KIAA0232: variants seen among roughly 807,000 people sequenced by gnomAD.
The protein encoded by KIAA0232 is KIAA0232.
Under a neutral mutation model 122.0 loss-of-function variants are expected in KIAA0232, and 27 were observed. The ratio of observed to expected loss-of-function variants is 0.22; its 90% confidence interval spans 0.16 to 0.31. The LOEUF is 0.31. Ranked by LOEUF, KIAA0232 falls within the 10% of genes least tolerant of loss-of-function variation. KIAA0232 has a pLI of 1.00. For missense variants in KIAA0232, 1,551 were observed against 1,634.2 expected (o/e 0.95, Z 0.88); for synonymous variants, 613 against 587.6 (o/e 1.04, Z -0.63).
chr4:6,859,240 C>T (rs1226773153), intron 6 of KIAA0232, among the ~76,000 whole-genome samples: 1 of 151,710 alleles, frequency 6.6e-6, no homozygotes, highest in Non-Finnish European at 1.5e-5. Flanking sequence ...CCTAAAGATA[C>T]TTTTATTTTT....
intron 1 of KIAA0232, among the ~76,000 whole-genome samples, chr4:6,803,607 G>A (rs941994407): frequency 6.6e-6 from 1 of 152,132 alleles, no homozygotes; most frequent in Non-Finnish European, 1.5e-5. Context: ...CACTTAAAGA[G>A]AATACTTTTT....
chr4:6,837,460 TCCCAGACGA>T (rs1325883886), intron 3 of KIAA0232, among the ~76,000 whole-genome samples: 1 of 148,130 alleles, frequency 6.8e-6, no homozygotes, highest in Admixed American at 6.7e-5. Context: ...GCTCCTCACA[TCCCAGACGA>T]TGGGCGGCTG....
In KIAA0232 at chr4:6,810,090, A is replaced by G. The variant is rs145171147; in HGVS notation, c.-270+5484A>G. ...ATTAGGAAAAAAATCCTAAATTCAT[A>G]TGAAATCAAAAAAGAGCCCTAATAG... On this transcript the variant is annotated intron_variant, in intron 2 of 9. Coordinates refer to ENST00000307659, the MANE Select transcript of KIAA0232 (RefSeq NM_014743.3). Among the ~76,000 whole-genome samples, 1,178 of 152,308 alleles carry G rather than the reference A, an allele frequency of 7.7e-3. 19 individuals carry two copies. The highest frequency in any genetic ancestry group is 0.027 in the African/African-American group (1,128 of 41,568).
intron 3 of KIAA0232, among the ~76,000 whole-genome samples, chr4:6,837,675 G>A (rs1719394290): frequency 6.6e-6 from 1 of 152,266 alleles, no homozygotes; most frequent in Non-Finnish European, 1.5e-5. Flanking sequence ...ACCTCGGGAG[G>A]CCGAAGCTGG....
intron 1 of KIAA0232, among the ~76,000 whole-genome samples, chr4:6,792,394 T>C (rs1577353073): frequency 6.6e-6 from 1 of 152,292 alleles, no homozygotes; most frequent in South Asian, 2.1e-4. Flanking sequence ...CTTAAAAAAA[T>C]TGACCAACAA....
intron 4 of KIAA0232, among the ~76,000 whole-genome samples, chr4:6,846,100 T>TTA (rs113432674): frequency 1.3e-5 from 2 of 149,822 alleles, no homozygotes; most frequent in Non-Finnish European, 3.0e-5. Flanking sequence ...TCATTTTATT[T>TTA]AAAAAAAAAA....
At position 6,876,760 on chromosome 4, in the gene KIAA0232, A is replaced by AAGT; in HGVS notation, c.4008+4_4008+6dup. The AAGT allele has an allele frequency of 6.3e-7, 1 of 1,580,736 alleles. No individual in the cohort carries two copies. Among genetic ancestry groups the AAGT allele is most frequent in the African/African-American group, 1.3e-5 (1 of 74,304 alleles). On this transcript the variant is annotated splice_donor_region_variant and intron_variant, in intron 9 of 9. Transcript: ENST00000307659. The stretch of plus-strand genomic sequence containing the variant: ...AGCGCCTGTTAGATTTTAATAGGGT[A>AAGT]AGTGGACTGTCCTCCTCCTCGTCAT...
chr4:6,876,781 G>C (rs370676344), intron 9 of KIAA0232, 24 bp downstream of exon 9: 2 of 1,506,316 alleles, frequency 1.3e-6, no homozygotes, highest in Admixed American at 1.7e-5. Context: ...CCTCCTCCTC[G>C]TCATTAACTT....
intron 1 of KIAA0232, among the ~76,000 whole-genome samples, chr4:6,792,982 G>A (rs1002531293): frequency 2.0e-5 from 3 of 152,006 alleles, no homozygotes; most frequent in South Asian, 2.1e-4. Context: ...CACCGTGCTC[G>A]GCCATTCTTA....
chr4:6,786,332 T>G (rs1273102635), intron 1 of KIAA0232, among the ~76,000 whole-genome samples: 1 of 152,232 alleles, frequency 6.6e-6, no homozygotes, highest in Non-Finnish European at 1.5e-5. Flanking sequence ...GACAGCATCT[T>G]GCTTTGTCAC....
intron 2 of KIAA0232, among the ~76,000 whole-genome samples, chr4:6,813,448 T>C (rs1577366495): frequency 1.3e-5 from 2 of 151,940 alleles, no homozygotes; most frequent in Admixed American, 6.6e-5. Flanking sequence ...CTGCAAGCTC[T>C]GCCTCCCAGG....
At position 6,807,074 on chromosome 4, in the gene KIAA0232, CT is replaced by C. The variant is rs974877317; in HGVS notation, c.-270+2469del. Among the ~76,000 whole-genome samples the C allele has an allele frequency of 2.8e-3, 403 of 141,628 alleles. 6 individuals carry two copies. Among genetic ancestry groups the C allele is most frequent in the Non-Finnish European group, 1.4e-3 (85 of 62,762 alleles). The allele number at this position is 141,628 out of a possible 152,430, so 92.9% of individuals were successfully genotyped here. A position where few individuals can be genotyped will look rare whatever the true frequency, so the allele number is the denominator to read the frequency against. ...TCTATCTATCTATCTATCTATCTATCTATCTATTTAAGACAGGGTCCTGCTA... is the reference window on the plus strand; with the variant it reads ...TCTATCTATCTATCTATCTATCTATCATCTATTTAAGACAGGGTCCTGCTA... On this transcript the variant is annotated intron_variant, in intron 2 of 9. Coordinates refer to ENST00000307659, the MANE Select transcript of KIAA0232 (RefSeq NM_014743.3).
intron 2 of KIAA0232, among the ~76,000 whole-genome samples, chr4:6,822,920 C>CCT (rs1718490303): frequency 9.5e-6 from 1 of 105,500 alleles, no homozygotes; most frequent in Admixed American, 1.0e-4. Context: ...CAATGCTATC[C>CCT]CTCCCCCCTC....
intron 3 of KIAA0232, among the ~76,000 whole-genome samples, chr4:6,827,011 G>C (rs559406839): frequency 3.3e-5 from 5 of 152,086 alleles, no homozygotes; most frequent in African/African-American, 9.7e-5. Flanking sequence ...GTTCCGGTTC[G>C]TTCCTCAGGA....
intron 8 of KIAA0232, among the ~76,000 whole-genome samples, chr4:6,872,012 C>T (rs1184922071): frequency 6.6e-6 from 1 of 152,140 alleles, no homozygotes; most frequent in East Asian, 1.9e-4. Flanking sequence ...GCAGGAGGGT[C>T]GCCGCCAGGG....
At chr4:6,804,712 A>T (rs1717538119) in intron 2 of KIAA0232, 106 bp downstream of exon 2, 1 of 152,236 alleles carries the variant, frequency 6.6e-6, no homozygotes, top group Admixed American at 6.5e-5. Context: ...CAATTTATGC[A>T]AGTTATTTAA....
Position 6,861,407 on chromosome 4 carries a change from C to T in KIAA0232, c.1025C>T (p.Ala342Val), listed in dbSNP as rs1720854999. Reference sequence around the variant, plus strand: ...CTTTCTTTGAAGCACGGTGAAAAGGCTGAAAGGAACATTCATACTGGAAGT... The same window carrying T: ...CTTTCTTTGAAGCACGGTGAAAAGGTTGAAAGGAACATTCATACTGGAAGT... Reference protein sequence around the residue: ...SRLSLKHGEKAERNIHTGSSS... With the variant: ...SRLSLKHGEKVERNIHTGSSS... Residue 342 changes from alanine (A) to valine (V), a missense_variant, in exon 7 of 10, where the codon GCT becomes GTT. Coordinates refer to ENST00000307659, the MANE Select transcript of KIAA0232 (RefSeq NM_014743.3). 1 of 1,614,038 alleles carries T rather than the reference C, an allele frequency of 6.2e-7. No individual in the cohort carries two copies. Among genetic ancestry groups the T allele is most frequent in the Non-Finnish European group, 8.5e-7 (1 of 1,180,020 alleles).
intron 8 of KIAA0232, among the ~76,000 whole-genome samples, chr4:6,876,131 A>G (rs1721737666): frequency 6.6e-6 from 1 of 151,966 alleles, no homozygotes; most frequent in African/African-American, 2.4e-5. Context: ...TCTTTTTCCT[A>G]TTCATAGATG....
chr4:6,884,039 G>GT lies in KIAA0232; in HGVS notation c.*3080dup, dbSNP rs570965658. ...ACAGGTTCCTCATTGATAAAACAAT[G>GT]TTTTTTTGGTTGTTTATTCAGTATC... On this transcript the variant is annotated 3_prime_UTR_variant, in exon 10 of 10. Coordinates refer to ENST00000307659, the MANE Select transcript of KIAA0232 (RefSeq NM_014743.3). 2.0e-5 allele frequency: 3 copies of GT among 152,020 alleles called. No homozygotes were observed. The highest frequency in any genetic ancestry group is 7.2e-5 in the African/African-American group (3 of 41,402). 9.4% of individuals were successfully genotyped at this position (152,020 alleles called of 1,614,324 possible).
Sources: gnomAD v4.1 joint callset for allele counts (sites outside exome capture counted in the v4.1 genomes callset) on GRCh38, gnomAD v4.1.1 for gene constraint, MANE v1.5 for transcripts, NCBI Gene and HGNC (gene_info 2026-07-23, HGNC 2026-07-21) for gene names.